FAM98A: variants seen among roughly 807,000 people sequenced by gnomAD.
FAM98A encodes the protein protein FAM98A.
In FAM98A, 25 loss-of-function variants were observed where a neutral mutation model predicts 62.9. The ratio of observed to expected loss-of-function variants is 0.40; its 90% CI spans 0.29 to 0.56. The LOEUF is 0.56. Among genes scored for constraint, FAM98A ranks in the 20% least tolerant of loss-of-function variants. FAM98A has a pLI of 0.51. For synonymous variants in FAM98A, 252 were observed against 228.6 expected, an observed-to-expected ratio of 1.10 and a Z score of -0.92; for missense variants, 653 against 640.7, an observed-to-expected ratio of 1.02 and a Z score of -0.21.
chr2:33,596,129 G>C (rs8179592), intron 1 of FAM98A, among the ~76,000 whole-genome samples: 1 of 152,150 alleles, frequency 6.6e-6, no homozygotes, highest in Non-Finnish European at 1.5e-5. Flanking sequence ...GTGCAGTGAA[G>C]GCACAAGCCA....
chr2:33,588,099 G>C (rs550149061), intron 4 of FAM98A: 20 of 518,954 alleles, frequency 3.9e-5, no homozygotes, highest in South Asian at 3.4e-4. Context: ...TTACAAACCA[G>C]TGTAAAGTTT....
intron 1 of FAM98A, among the ~76,000 whole-genome samples, chr2:33,597,040 C>A (rs1023542343): frequency 6.6e-6 from 1 of 151,726 alleles, no homozygotes; most frequent in African/African-American, 2.4e-5. Context: ...AAAATGAGAT[C>A]ACATGTAGTC....
chr2:33,585,323 C>T lies in FAM98A; in HGVS notation c.1010G>A (p.Gly337Glu). 6.2e-7 allele frequency: 1 copy of T among 1,614,166 alleles called. No individual in the cohort carries two copies. Among genetic ancestry groups the T allele is most frequent in the Non-Finnish European group, 8.5e-7 (1 of 1,180,036 alleles). ...ATGTTCATAGCCACCTCTCCCTCCT[C>T]CTCGGCCTCCTGTTTGCTGCTGGGG... is the stretch of plus-strand genomic sequence containing the variant. ...DGPQQQTGGRGGGRGGYEHSS... is the reference protein window; with the variant it reads ...DGPQQQTGGREGGRGGYEHSS... The change falls in exon 8 of 8, where the codon GGA becomes GAA. Residue 337 changes from glycine (G) to glutamate (E), a missense_variant. Physicochemically the swap from Gly to Glu is moderately conservative, Grantham distance 98 (BLOSUM62 -2). Coordinates refer to ENST00000238823, the MANE Select transcript of FAM98A (RefSeq NM_015475.5).
Position 33,584,766 on chromosome 2 carries a change from T to C in FAM98A, c.*10A>G, listed in dbSNP as rs1227618810. The C allele has an allele frequency of 2.5e-6, 4 of 1,575,886 alleles. No homozygotes were observed. In the East Asian group the frequency reaches 6.8e-5, roughly 27 times the overall value. ...ACTTGAGCTCTAGCAAAATGTAAGG[T>C]TCGGTAGCCTCAACTAGTGTAATGT... On this transcript the variant is annotated 3_prime_UTR_variant, in exon 8 of 8. Coordinates refer to ENST00000238823, the MANE Select transcript of FAM98A (RefSeq NM_015475.5).
chr2:33,585,731 A>G (rs940180095), intron 6 of FAM98A, 34 bp from the exon 7 acceptor site: 2 of 1,575,116 alleles, frequency 1.3e-6, no homozygotes, highest in African/African-American at 2.7e-5. Flanking sequence ...GAGAAATGTC[A>G]ATTTTCAAAA....
chr2:33,585,845 C>T (rs1677535961), intron 6 of FAM98A, 148 bp from the exon 7 acceptor site: 2 of 688,662 alleles, frequency 2.9e-6, no homozygotes, highest in Non-Finnish European at 4.8e-6. Flanking sequence ...CTCACTACTG[C>T]TCCTACATAG....
chr2:33,589,909 T>G (rs1677634676), intron 3 of FAM98A: 1 of 152,158 alleles, frequency 6.6e-6, no homozygotes, highest in South Asian at 2.1e-4. Context: ...TAGAAAAAGT[T>G]TGCCAACTCT....
chr2:33,587,592 A>G (rs1677584957), intron 4 of FAM98A: 3 of 413,442 alleles, frequency 7.3e-6, no homozygotes, highest in Admixed American at 7.1e-5. Flanking sequence ...ATGAACACAC[A>G]GGAAAATATG....
chr2:33,594,561 TTATATATA>T (rs144548996), intron 2 of FAM98A, among the ~76,000 whole-genome samples: 1 of 40,570 alleles, frequency 2.5e-5, no homozygotes, highest in African/African-American at 1.9e-4. Flanking sequence ...AAAAAAAAAA[TTATATATA>T]TATATATACA....
At chr2:33,593,059 C>T (rs1290898774) in intron 2 of FAM98A, among the ~76,000 whole-genome samples, 2 of 152,180 alleles carry the variant, frequency 1.3e-5, no homozygotes, top group Non-Finnish European at 2.9e-5. Context: ...ACTTCACCCT[C>T]GTACTTGCTG....
At chr2:33,590,881 T>C (rs4627543) in intron 3 of FAM98A, among the ~76,000 whole-genome samples, 45,782 of 151,986 alleles carry the variant, frequency 0.3, 8,424 homozygotes, top group African/African-American at 0.52. Flanking sequence ...TTCAGGGTCA[T>C]TAGTAAGCAT....
intron 2 of FAM98A, among the ~76,000 whole-genome samples, chr2:33,593,979 G>A (rs1677732557): frequency 6.6e-6 from 1 of 152,176 alleles, no homozygotes; most frequent in Non-Finnish European, 1.5e-5. Flanking sequence ...CAGTGTTCAA[G>A]CACACTGGCT....
chr2:33,592,222 G>A lies in FAM98A; in HGVS notation c.203-8C>T. On this transcript the variant is annotated splice_region_variant and splice_polypyrimidine_tract_variant and intron_variant, in intron 2 of 7. Coordinates refer to ENST00000238823, the MANE Select transcript of FAM98A (RefSeq NM_015475.5). ...CTTCAGCTTCACTCGGACCTTTTAAGAATTAAAATAATCTTATTTAATGAT... is the reference window on the plus strand; with the variant it reads ...CTTCAGCTTCACTCGGACCTTTTAAAAATTAAAATAATCTTATTTAATGAT... 2 of 1,593,392 alleles carry A rather than the reference G, an allele frequency of 1.3e-6. No homozygotes were observed. Among genetic ancestry groups the A allele is most frequent in the Non-Finnish European group, 1.7e-6 (2 of 1,166,886 alleles).
chr2:33,594,916 C>T (rs1572420016), intron 2 of FAM98A, among the ~76,000 whole-genome samples: 1 of 152,162 alleles, frequency 6.6e-6, no homozygotes, highest in African/African-American at 2.4e-5. Flanking sequence ...TTTGCAGTGT[C>T]GACAAACTAG....
chr2:33,588,845 C>T (rs766913202), intron 3 of FAM98A: 2 of 168,138 alleles, frequency 1.2e-5, no homozygotes, highest in Non-Finnish European at 2.5e-5. Context: ...CAGGGGTTGG[C>T]ATCTGTTAAA....
chr2:33,588,597 G>T, intron 3 of FAM98A, 78 bp from the exon 4 acceptor site: 2 of 1,129,880 alleles, frequency 1.8e-6, no homozygotes, highest in Non-Finnish European at 2.5e-6. Context: ...CAACTATATA[G>T]ACCTATTGAT....
intron 2 of FAM98A, among the ~76,000 whole-genome samples, chr2:33,593,355 G>A (rs776810494): frequency 3.3e-5 from 5 of 152,192 alleles, no homozygotes; most frequent in African/African-American, 9.7e-5. Context: ...AGTGAGCCCA[G>A]ATCGCGCCAC....
At chr2:33,597,160 G>A (rs1245312167) in intron 1 of FAM98A, among the ~76,000 whole-genome samples, 3 of 152,066 alleles carry the variant, frequency 2.0e-5, no homozygotes, top group African/African-American at 7.2e-5. Flanking sequence ...TATTCAACAA[G>A]TAGTTACTGA....
chr2:33,592,781 A>G (rs1048597334), intron 2 of FAM98A, among the ~76,000 whole-genome samples: 3 of 152,184 alleles, frequency 2.0e-5, no homozygotes, highest in African/African-American at 7.2e-5. Flanking sequence ...CTGCTTTTAA[A>G]GATTCTTCAT....
Sources: gnomAD v4.1 joint callset for allele counts (sites outside exome capture counted in the v4.1 genomes callset) on GRCh38, gnomAD v4.1.1 for gene constraint, MANE v1.5 for transcripts, NCBI Gene and HGNC (gene_info 2026-07-23, HGNC 2026-07-21) for gene names.